Variants in PEX19 observed in about 807,000 individuals in gnomAD.
PEX19 encodes the protein peroxisomal biogenesis factor 19, also known as 33 kDa housekeeping protein.
A neutral mutation model predicts 36.3 loss-of-function variants in PEX19; 29 were observed. The observed-to-expected ratio is 0.80, with a 90% CI of 0.60 to 1.09. The LOEUF (loss-of-function observed/expected upper bound fraction) is 1.09, where lower values mean the gene tolerates loss of function less well. Ranked by LOEUF, PEX19 falls within the 50% of genes least tolerant of loss-of-function variation. The pLI, the probability that PEX19 is intolerant of heterozygous loss-of-function variation, is 0.00. For missense variants in PEX19, 396 were observed against 368.1 expected, an observed-to-expected ratio of 1.08 and a Z score of -0.62; for synonymous variants, 141 against 135.2, an observed-to-expected ratio of 1.04 and a Z score of -0.30.
chr1:160,280,954 C>T (rs926272457), intron 5 of PEX19, among the ~76,000 whole-genome samples: 1 of 152,158 alleles, frequency 6.6e-6, no homozygotes, highest in Non-Finnish European at 1.5e-5. Context: ...ACACACTTAC[C>T]CACATTTCCC....
At chr1:160,283,161 C>T in intron 2 of PEX19, 52 bp from the exon 3 acceptor site, 5 of 1,595,326 alleles carry the variant, frequency 3.1e-6, no homozygotes, top group Non-Finnish European at 3.4e-6. Context: ...CTACACTGCA[C>T]CTGGCCTCTG....
At chr1:160,282,346 G>C (rs1261538853) in intron 4 of PEX19, 71 bp downstream of exon 4, 32 of 1,433,212 alleles carry the variant, frequency 2.2e-5, no homozygotes, top group Non-Finnish European at 2.9e-5. Flanking sequence ...CAAAGCATCT[G>C]TCTTTTGAGA....
At position 160,283,551 on chromosome 1, in the gene PEX19, T is replaced by C. The variant is rs1218867675; in HGVS notation, c.159A>G (p.Arg53=). 5.6e-6 allele frequency: 9 copies of C among 1,613,272 alleles called. No individual in the cohort carries two copies. The African/African-American group carries it at 1.2e-4, about 22-fold the overall frequency. ...TAPDASGPQK[R]SPGDTAKDAL... is the part of the protein sequence containing the mutation. ...ATACTTTGGCAGTGTCTCCTGGCGA[T>C]CTCTTCTGGGGCCCCGAAGCATCAG... The change falls in exon 2 of 8, where the codon AGA becomes AGG. Residue 53 remains arginine, a synonymous_variant. Transcript: ENST00000368072.
At chr1:160,282,774 C>G (rs1657829247) in intron 3 of PEX19, 170 bp downstream of exon 3, 2 of 762,102 alleles carry the variant, frequency 2.6e-6, no homozygotes, top group Non-Finnish European at 4.5e-6. Context: ...TCCAACCTAT[C>G]TCACCCCTTT....
At position 160,281,932 on chromosome 1, in the gene PEX19, A is replaced by G. The variant is rs1055961483; in HGVS notation, c.594+107T>C. On this transcript the variant is annotated intron_variant, in intron 5 of 7. Transcript: ENST00000368072. ...CTCAAATAAATAAAGAAGGAAAAAA[A>G]GCACACTCGAGTTACTCTTTCTGCA... The G allele has an allele frequency of 6.4e-6, 6 of 939,732 alleles. No individual in the cohort carries two copies. The African/African-American group carries it at 9.9e-5, about 15-fold the overall frequency. The allele number at this position is 939,732 out of a possible 1,614,324, so 58.2% of individuals were successfully genotyped here.
chr1:160,278,643 T>G lies in PEX19; in HGVS notation c.*908A>C, dbSNP rs995178773. 4.4e-6 allele frequency: 2 copies of G among 454,358 alleles called. No individual in the cohort carries two copies. Among genetic ancestry groups the G allele is most frequent in the East Asian group, 6.9e-5 (1 of 14,402 alleles). 28.1% of individuals were successfully genotyped at this position (454,358 alleles called of 1,614,324 possible). On this transcript the variant is annotated 3_prime_UTR_variant, in exon 8 of 8. Coordinates refer to ENST00000368072, the MANE Select transcript of PEX19 (RefSeq NM_002857.4). Reference sequence around the variant, plus strand: ...AAGCCAGAATGTATCTGGGGAAGAATAGCCATTAATTTCCTAGACCTGACA... The same window carrying G: ...AAGCCAGAATGTATCTGGGGAAGAAGAGCCATTAATTTCCTAGACCTGACA...
chr1:160,279,935 T>TCAGAAGAA, intron 6 of PEX19, 90 bp from the exon 7 acceptor site: 2 of 1,384,238 alleles, frequency 1.4e-6, no homozygotes, highest in Non-Finnish European at 2.1e-6. Context: ...ATGATCTCTC[T>TCAGAAGAA]ATTTCTTCTG....
At position 160,277,701 on chromosome 1, in the gene PEX19, C is replaced by CAGA. The variant is rs1180705913; in HGVS notation, c.*1847_*1849dup. 2.2e-6 allele frequency: 1 copy of CAGA among 456,502 alleles called. No individual in the cohort carries two copies. Among genetic ancestry groups the CAGA allele is most frequent in the African/African-American group, 2.0e-5 (1 of 50,136 alleles). 28.3% of individuals were successfully genotyped at this position (456,502 alleles called of 1,614,324 possible). A position where few individuals can be genotyped will look rare whatever the true frequency, so the allele number is the denominator to read the frequency against. On this transcript the variant is annotated 3_prime_UTR_variant, in exon 8 of 8. Transcript: ENST00000368072. ...AATCTGTAAAAGAAAACTGGTAGGA[C>CAGA]AGAAGGCACAAGGTTCATAGAGAAG...
chr1:160,284,219 T>C, intron 1 of PEX19: 1 of 470,664 alleles, frequency 2.1e-6, no homozygotes, highest in Non-Finnish European at 4.4e-6. Flanking sequence ...TTTGGCCTGA[T>C]CTCTGCAGAT....
At chr1:160,280,889 T>TA (rs1437259600) in intron 5 of PEX19, among the ~76,000 whole-genome samples, 1 of 152,186 alleles carries the variant, frequency 6.6e-6, no homozygotes, top group African/African-American at 2.4e-5. Context: ...GCTAGAGAGT[T>TA]GGATTTGTCC....
In PEX19 at chr1:160,285,083, C is replaced by G. The variant is rs1357331804; in HGVS notation, c.42G>C (p.Ala14=). Residue 14 remains alanine (A), a synonymous_variant, in exon 1 of 8, where the codon GCG becomes GCC. Transcript: ENST00000368072. The stretch of plus-strand genomic sequence containing the variant: ...CCAGAAGCTCCTCCAATTCCCTGTC[C>G]GCTTCGGCCCCGACACTACAGCCTT... ...AEEGCSVGAE[A]DRELEELLES... The G allele has an allele frequency of 6.2e-7, 1 of 1,613,976 alleles. No homozygotes were observed. The highest frequency in any genetic ancestry group is 1.7e-5 in the Admixed American group (1 of 60,028).
At chr1:160,281,698 G>A (rs1290785838) in intron 5 of PEX19, among the ~76,000 whole-genome samples, 1 of 152,248 alleles carries the variant, frequency 6.6e-6, no homozygotes, top group Non-Finnish European at 1.5e-5. Context: ...GAGCCACCAT[G>A]CCCAGCCAAA....
chr1:160,279,496 G>C lies in PEX19; in HGVS notation c.*55C>G, dbSNP rs1346831700. 7.0e-7 allele frequency: 1 copy of C among 1,419,642 alleles called. No individual in the cohort carries two copies. The highest frequency in any genetic ancestry group is 1.7e-5 in the Admixed American group (1 of 59,808). The allele number at this position is 1,419,642 out of a possible 1,614,324, so 87.9% of individuals were successfully genotyped here. On this transcript the variant is annotated 3_prime_UTR_variant, in exon 8 of 8. Coordinates refer to ENST00000368072, the MANE Select transcript of PEX19 (RefSeq NM_002857.4). ...TCCTGCCTCAGGTCCCAATGGTTCT[G>C]CTGACTCCAGATGTTCCCCATAGCT... is the stretch of plus-strand genomic sequence containing the variant.
In PEX19 at chr1:160,281,988, G is replaced by A. The variant is rs570311091; in HGVS notation, c.594+51C>T. ...TGAGTAGACAAAATAGCCCACATCA[G>A]TTGATGTGATGGAAAATGAAGAGAA... is the stretch of plus-strand genomic sequence containing the variant. On this transcript the variant is annotated intron_variant, in intron 5 of 7. Coordinates refer to ENST00000368072, the MANE Select transcript of PEX19 (RefSeq NM_002857.4). The A allele has an allele frequency of 2.0e-6, 3 of 1,472,980 alleles. No homozygotes were observed. In the East Asian group the frequency reaches 6.8e-5, roughly 33 times the overall value. The allele number at this position is 1,472,980 out of a possible 1,614,324, so 91.2% of individuals were successfully genotyped here.
At chr1:160,283,177 A>G in intron 2 of PEX19, 68 bp from the exon 3 acceptor site, 2 of 1,531,506 alleles carry the variant, frequency 1.3e-6, no homozygotes, top group Non-Finnish European at 1.8e-6. Flanking sequence ...CTCTGATAGA[A>G]GCCACAGGCA....
At chr1:160,283,415 T>A (rs554859648) in intron 2 of PEX19, 115 bp downstream of exon 2, 19 of 742,740 alleles carry the variant, frequency 2.6e-5, no homozygotes, top group Non-Finnish European at 3.6e-5. Flanking sequence ...CACTCACCAA[T>A]GTGAGGCCAA....
At chr1:160,282,230 T>C (rs377564891) in intron 4 of PEX19, 30 bp from the exon 5 acceptor site, 63 of 1,611,968 alleles carry the variant, frequency 3.9e-5, no homozygotes, top group Non-Finnish European at 4.9e-5. Flanking sequence ...GGTGAGCAGG[T>C]ATACTACCTT....
intron 3 of PEX19, 88 bp downstream of exon 3, chr1:160,282,856 A>C: frequency 1.5e-6 from 2 of 1,365,690 alleles, no homozygotes; most frequent in Non-Finnish European, 2.1e-6. Flanking sequence ...CATGATTGCT[A>C]TCAACTTCAC....
At chr1:160,279,975 C>T in intron 6 of PEX19, 95 bp downstream of exon 6, 2 of 1,387,568 alleles carry the variant, frequency 1.4e-6, no homozygotes, top group East Asian at 2.3e-5. Context: ...ATCCCTCCTC[C>T]ACCTAGGTCT....
Sources: gnomAD v4.1 joint callset for allele counts (sites outside exome capture counted in the v4.1 genomes callset) on GRCh38, gnomAD v4.1.1 for gene constraint, MANE v1.5 for transcripts, NCBI Gene and HGNC (gene_info 2026-07-23, HGNC 2026-07-21) for gene names.